The following UVRAG variants were observed in gnomAD, a reference collection of about 807,000 sequenced individuals.
UVRAG encodes the protein UV radiation resistance-associated gene protein.
In UVRAG, 19 loss-of-function variants were observed where a neutral mutation model predicts 78.0. That is an observed-to-expected ratio of 0.24 (90% CI 0.17 to 0.36). The LOEUF is 0.36. UVRAG is among the 10% of genes least tolerant of loss of function. The pLI is 1.00. For missense variants in UVRAG, 740 were observed against 853.8 expected (o/e 0.87, Z 1.66); for synonymous variants, 323 against 324.6 (o/e 1.00, Z 0.05).
Position 75,894,214 on chromosome 11 carries a change from A to G in UVRAG, c.507+5311A>G, listed in dbSNP as rs545474856. 7.2e-5 allele frequency among the ~76,000 whole-genome samples: 11 copies of G among 152,336 alleles called. No homozygotes were observed. In the East Asian group the frequency reaches 2.1e-3, roughly 29 times the overall value. ...ATGTAGTCTGGACCGCTGCTTGTCT[A>G]GGAACTGTCTGTCACAATCTGTGGT... On this transcript the variant is annotated intron_variant, in intron 5 of 14. Transcript: ENST00000356136.
At chr11:75,932,576 G>C (rs559986070) in intron 6 of UVRAG, among the ~76,000 whole-genome samples, 25 of 152,224 alleles carry the variant, frequency 1.6e-4, no homozygotes, top group African/African-American at 5.8e-4. Context: ...GAACCACTGT[G>C]CCTGGCCCAG....
At chr11:76,121,149 G>A (rs1416398960) in intron 14 of UVRAG, among the ~76,000 whole-genome samples, 1 of 152,176 alleles carries the variant, frequency 6.6e-6, no homozygotes, top group African/African-American at 2.4e-5. Context: ...TCTTAATAAA[G>A]TAATTCTTTT....
At chr11:75,954,106 CT>C (rs1403545842) in intron 6 of UVRAG, among the ~76,000 whole-genome samples, 2 of 152,036 alleles carry the variant, frequency 1.3e-5, no homozygotes, top group Admixed American at 6.6e-5. Context: ...ATACTTCAAA[CT>C]TTTATTCTCC....
At chr11:75,825,698 C>T (rs1945495651) in intron 1 of UVRAG, among the ~76,000 whole-genome samples, 1 of 152,264 alleles carries the variant, frequency 6.6e-6, no homozygotes, top group South Asian at 2.1e-4. Context: ...GCTATTTATT[C>T]TTGCCCTGGA....
chr11:76,052,517 T>A (rs1020390778), intron 12 of UVRAG, among the ~76,000 whole-genome samples: 16 of 152,228 alleles, frequency 1.1e-4, no homozygotes, highest in African/African-American at 3.9e-4. Context: ...CCAGTCGGCC[T>A]TCATCCCCTG....
At chr11:75,991,558 G>A (rs1198427367) in intron 8 of UVRAG, among the ~76,000 whole-genome samples, 1 of 152,078 alleles carries the variant, frequency 6.6e-6, no homozygotes, top group Non-Finnish European at 1.5e-5. Context: ...AACTATGTCA[G>A]GGTCAGAGAG....
chr11:76,082,420 A>G (rs1018470680), intron 13 of UVRAG, among the ~76,000 whole-genome samples: 4 of 151,436 alleles, frequency 2.6e-5, no homozygotes, highest in East Asian at 1.9e-4. Flanking sequence ...GGCGCCTGTA[A>G]TCCCAGCTAC....
intron 1 of UVRAG, among the ~76,000 whole-genome samples, chr11:75,847,077 G>A (rs772383533): frequency 6.6e-5 from 10 of 151,894 alleles, no homozygotes; most frequent in Non-Finnish European, 1.5e-4. Context: ...CACCCACCTC[G>A]GCCTCCCAAA....
intron 1 of UVRAG, among the ~76,000 whole-genome samples, chr11:75,844,120 C>T (rs1403916352): frequency 2.0e-5 from 3 of 152,070 alleles, no homozygotes; most frequent in Non-Finnish European, 4.4e-5. Flanking sequence ...GTTAACTCTA[C>T]TGAACTGTGG....
chr11:76,103,601 C>A (rs1434852682), intron 13 of UVRAG, among the ~76,000 whole-genome samples: 1 of 145,650 alleles, frequency 6.9e-6, no homozygotes, highest in Non-Finnish European at 1.5e-5. Context: ...AAACAGTGGA[C>A]TCATGGGTTT....
chr11:76,106,620 G>A (rs1044722206), intron 13 of UVRAG, among the ~76,000 whole-genome samples: 1 of 151,858 alleles, frequency 6.6e-6, no homozygotes, highest in Non-Finnish European at 1.5e-5. Context: ...CACCTGCCTC[G>A]GCCTCCCAAA....
rs188030579 is a variant in UVRAG, at chr11:76,068,426, A to T, written c.1305+2638A>T. Reference sequence around the variant, plus strand: ...TCCAGCTTTATATATGCTCTTTGAAAATTGAGAGAACAATCAATAGGTTAA... The same window carrying T: ...TCCAGCTTTATATATGCTCTTTGAATATTGAGAGAACAATCAATAGGTTAA... On this transcript the variant is annotated intron_variant, in intron 13 of 14. Coordinates refer to ENST00000356136, the MANE Select transcript of UVRAG (RefSeq NM_003369.4). 4.6e-5 allele frequency among the ~76,000 whole-genome samples: 7 copies of T among 152,326 alleles called. No individual in the cohort carries two copies. The East Asian group carries it at 1.3e-3, about 29-fold the overall frequency.
chr11:76,021,069 A>G (rs1950237963), intron 12 of UVRAG, among the ~76,000 whole-genome samples: 1 of 152,152 alleles, frequency 6.6e-6, no homozygotes, highest in African/African-American at 2.4e-5. Context: ...GATGCTCTGT[A>G]TCTCATGGCC....
chr11:76,027,836 T>G (rs1950357518), intron 12 of UVRAG, among the ~76,000 whole-genome samples: 1 of 152,130 alleles, frequency 6.6e-6, no homozygotes, highest in African/African-American at 2.4e-5. Context: ...AATAGTGTTG[T>G]GAGGTACATC....
intron 5 of UVRAG, among the ~76,000 whole-genome samples, chr11:75,896,260 G>A (rs1947343165): frequency 6.6e-6 from 1 of 152,130 alleles, no homozygotes; most frequent in Non-Finnish European, 1.5e-5. Flanking sequence ...GGGTTTTCTA[G>A]GTGGGTTTAA....
chr11:76,113,169 TTATG>T (rs1952111054), intron 13 of UVRAG, among the ~76,000 whole-genome samples: 1 of 152,192 alleles, frequency 6.6e-6, no homozygotes, highest in African/African-American at 2.4e-5. Flanking sequence ...TGAACAGTGT[TTATG>T]TAGGTATAGT....
At chr11:75,976,315 G>T (rs561582187) in intron 7 of UVRAG, among the ~76,000 whole-genome samples, 2 of 152,290 alleles carry the variant, frequency 1.3e-5, no homozygotes, top group Non-Finnish European at 2.9e-5. Context: ...CAGGGATATT[G>T]ATCTAAAATT....
intron 12 of UVRAG, among the ~76,000 whole-genome samples, chr11:76,050,117 C>T (rs148928382): frequency 6.6e-6 from 1 of 152,334 alleles, no homozygotes; most frequent in African/African-American, 2.4e-5. Flanking sequence ...GGCGTTTGCT[C>T]TAATAGTAGA....
chr11:75,983,703 C>G, intron 8 of UVRAG, 190 bp downstream of exon 8: 2 of 755,938 alleles, frequency 2.6e-6, no homozygotes, highest in Non-Finnish European at 3.9e-6. Flanking sequence ...TATGTTTACA[C>G]AAGCTCAGAT....
Sources: gnomAD v4.1 joint callset for allele counts (sites outside exome capture counted in the v4.1 genomes callset) on GRCh38, gnomAD v4.1.1 for gene constraint, MANE v1.5 for transcripts, NCBI Gene and HGNC (gene_info 2026-07-23, HGNC 2026-07-21) for gene names.